The following FOCAD variants were observed in gnomAD, a reference collection of about 807,000 sequenced individuals.
The protein encoded by FOCAD is KIAA1797.
In FOCAD, 198 loss-of-function variants were observed where a neutral mutation model predicts 225.6. The observed-to-expected ratio is 0.88, with a 90% CI of 0.78 to 0.99. The LOEUF (loss-of-function observed/expected upper bound fraction) is 0.99, where lower values mean the gene tolerates loss of function less well. Ranked by LOEUF, FOCAD falls within the 50% of genes least tolerant of loss-of-function variation. FOCAD has a pLI of 0.00. For missense variants in FOCAD, 2,713 were observed against 2,123.6 expected, an observed-to-expected ratio of 1.28 and a Z score of -5.46; for synonymous variants, 897 against 755.0, an observed-to-expected ratio of 1.19 and a Z score of -3.08.
At chr9:20,942,597 C>T (rs1836780334) in intron 28 of FOCAD, among the ~76,000 whole-genome samples, 1 of 152,132 alleles carries the variant, frequency 6.6e-6, no homozygotes. Flanking sequence ...CTTTTTTCTT[C>T]TTCCTCTGTA....
intron 9 of FOCAD, among the ~76,000 whole-genome samples, chr9:20,780,465 A>G (rs1481633788): frequency 3.9e-5 from 6 of 152,206 alleles, no homozygotes; most frequent in African/African-American, 1.4e-4. Flanking sequence ...TCGTAAACCA[A>G]TATCTCTGAT....
intron 35 of FOCAD, among the ~76,000 whole-genome samples, chr9:20,961,402 G>A (rs537686574): frequency 3.3e-5 from 5 of 152,054 alleles, no homozygotes; most frequent in African/African-American, 1.2e-4. Flanking sequence ...TTCCTTTGTG[G>A]CACAAGAAGA....
intron 4 of FOCAD, among the ~76,000 whole-genome samples, chr9:20,723,747 T>G (rs1471735701): frequency 6.6e-6 from 1 of 152,174 alleles, no homozygotes; most frequent in Admixed American, 6.5e-5. Context: ...GCATTTTCAG[T>G]GAAAAAATAT....
chr9:20,844,349 C>CT (rs58468376), intron 15 of FOCAD, among the ~76,000 whole-genome samples: 19,116 of 76,326 alleles, frequency 0.25, 5,861 homozygotes, highest in East Asian at 0.37. Flanking sequence ...AGGAAATTTC[C>CT]TTTTTTTTTT....
At chr9:20,722,541 G>T (rs1440191858) in intron 4 of FOCAD, among the ~76,000 whole-genome samples, 1 of 152,172 alleles carries the variant, frequency 6.6e-6, no homozygotes, top group African/African-American at 2.4e-5. Flanking sequence ...TTGGTATCTG[G>T]CACTCTCTCT....
intron 15 of FOCAD, among the ~76,000 whole-genome samples, chr9:20,831,629 C>A (rs907098400): frequency 6.6e-6 from 1 of 151,956 alleles, no homozygotes; most frequent in Non-Finnish European, 1.5e-5. Context: ...TGCAGAGAGA[C>A]AGATTAGGAA....
At chr9:20,716,994 T>C (rs1013757235) in intron 2 of FOCAD, among the ~76,000 whole-genome samples, 7 of 152,208 alleles carry the variant, frequency 4.6e-5, no homozygotes, top group Non-Finnish European at 8.8e-5. Context: ...CAATGAAATA[T>C]GGTATGTTTT....
At chr9:20,983,260 A>G (rs1055379017) in intron 39 of FOCAD, among the ~76,000 whole-genome samples, 5 of 152,136 alleles carry the variant, frequency 3.3e-5, no homozygotes, top group African/African-American at 9.7e-5. Context: ...GTGTATCCTA[A>G]GGTTTGAAAA....
intron 7 of FOCAD, among the ~76,000 whole-genome samples, chr9:20,767,752 A>T (rs944920738): frequency 1.4e-5 from 2 of 146,448 alleles, no homozygotes; most frequent in African/African-American, 5.0e-5. Context: ...TAGGTTGCGA[A>T]AATTTTCTCC....
chr9:20,775,482 T>A (rs1193488343), intron 8 of FOCAD, among the ~76,000 whole-genome samples: 1 of 152,214 alleles, frequency 6.6e-6, no homozygotes. Flanking sequence ...GGAAAAATGA[T>A]CTGTTTGGCC....
chr9:20,917,265 A>G (rs1489502517), intron 24 of FOCAD, among the ~76,000 whole-genome samples: 2 of 152,170 alleles, frequency 1.3e-5, no homozygotes, highest in Non-Finnish European at 2.9e-5. Context: ...GGATTAAAAA[A>G]AAAAAGAAAG....
At chr9:20,960,492 C>T (rs1367666777) in intron 35 of FOCAD, among the ~76,000 whole-genome samples, 1 of 152,132 alleles carries the variant, frequency 6.6e-6, no homozygotes, top group Non-Finnish European at 1.5e-5. Context: ...ATCCTATTTT[C>T]ACCGATTAGT....
In FOCAD at chr9:20,994,954, C is replaced by T. The variant is rs115149693; in HGVS notation, c.5333-602C>T. On this transcript the variant is annotated intron_variant, in intron 43 of 43. Transcript: ENST00000338382. ...TTATATTTCAAATAAAATATCAATA[C>T]ATTTGTATTAATATTCTAAAATAAG... Among the ~76,000 whole-genome samples, 565 of 138,566 alleles carry T rather than the reference C, an allele frequency of 4.1e-3. 4 individuals carry two copies. Among genetic ancestry groups the T allele is most frequent in the African/African-American group, 0.015 (543 of 36,542 alleles). 90.9% of individuals were successfully genotyped at this position (138,566 alleles called of 152,430 possible). A position where few individuals can be genotyped will look rare whatever the true frequency, so the allele number is the denominator to read the frequency against.
Position 20,764,854 on chromosome 9 carries a change from T to G in FOCAD, c.495-15T>G. The G allele has an allele frequency of 6.2e-7, 1 of 1,606,610 alleles. No individual in the cohort carries two copies. The highest frequency in any genetic ancestry group is 8.5e-7 in the Non-Finnish European group (1 of 1,174,484). ...TTTAACTCAATAACTGGCTAATGTA[T>G]TTCATGTCTTATAGGTTAGAAGTTT... On this transcript the variant is annotated splice_polypyrimidine_tract_variant and intron_variant, in intron 6 of 43. Coordinates refer to ENST00000338382, the MANE Select transcript of FOCAD (RefSeq NM_001375567.1).
intron 2 of FOCAD, among the ~76,000 whole-genome samples, chr9:20,672,747 G>A (rs551738834): frequency 2.6e-5 from 4 of 152,218 alleles, no homozygotes; most frequent in Admixed American, 6.5e-5. Flanking sequence ...CACTGCGCCC[G>A]GCCAAAAATA....
In FOCAD at chr9:20,929,555, T is replaced by A. The variant is rs780469855; in HGVS notation, c.3276T>A (p.Ala1092=). 6.2e-7 allele frequency: 1 copy of A among 1,614,038 alleles called. No individual in the cohort carries two copies. Among genetic ancestry groups the A allele is most frequent in the East Asian group, 2.2e-5 (1 of 44,896 alleles). The change falls in exon 27 of 44, where the codon GCT becomes GCA. Residue 1092 remains alanine, a synonymous_variant. Transcript: ENST00000338382. ...SQAVQIHMGL[A]LGMFLSRLCE... ...CCGTGCAAATCCACATGGGCCTTGC[T>A]TTAGGGATGTTTCTCTCTCGCTTGT...
At chr9:20,780,054 A>G (rs1414743701) in intron 9 of FOCAD, among the ~76,000 whole-genome samples, 4 of 152,208 alleles carry the variant, frequency 2.6e-5, no homozygotes, top group South Asian at 2.1e-4. Flanking sequence ...TCTGACAGCA[A>G]TAGTTTTCTT....
intron 28 of FOCAD, among the ~76,000 whole-genome samples, chr9:20,938,235 T>A: frequency 6.6e-6 from 1 of 152,222 alleles, no homozygotes; most frequent in Non-Finnish European, 1.5e-5. Context: ...ACTGGGTATA[T>A]ACCCAAAGGT....
intron 15 of FOCAD, among the ~76,000 whole-genome samples, chr9:20,840,017 A>G (rs1007495202): frequency 1.3e-5 from 2 of 152,014 alleles, no homozygotes; most frequent in African/African-American, 4.8e-5. Flanking sequence ...CCGTTGGTCT[A>G]TGTGTCTGTT....
Sources: gnomAD v4.1 joint callset for allele counts (sites outside exome capture counted in the v4.1 genomes callset) on GRCh38, gnomAD v4.1.1 for gene constraint, MANE v1.5 for transcripts, NCBI Gene and HGNC (gene_info 2026-07-23, HGNC 2026-07-21) for gene names.